FMN2: variants seen among roughly 807,000 people sequenced by gnomAD.
The protein encoded by FMN2 is formin 2.
In FMN2, 51 loss-of-function variants were observed where a neutral mutation model predicts 142.3. That is an observed-to-expected ratio of 0.36 (90% CI 0.29 to 0.45). FMN2 has a LOEUF of 0.45. FMN2 is among the 20% of genes least tolerant of loss of function. The pLI is 1.00. For synonymous variants in FMN2, 882 were observed against 869.8 expected, an observed-to-expected ratio of 1.01 and a Z score of -0.25; for missense variants, 1,936 against 2,122.8, an observed-to-expected ratio of 0.91 and a Z score of 1.73.
intron 2 of FMN2, among the ~76,000 whole-genome samples, chr1:240,159,060 A>G (rs545843497): frequency 1.3e-5 from 2 of 152,210 alleles, no homozygotes; most frequent in African/African-American, 4.8e-5. Context: ...TAATTCTGGG[A>G]TTTTCCATCA....
chr1:240,359,885 A>C (rs1672403106), intron 14 of FMN2, among the ~76,000 whole-genome samples: 1 of 152,204 alleles, frequency 6.6e-6, no homozygotes, highest in Non-Finnish European at 1.5e-5. Context: ...CTTCATTAAG[A>C]AGGCAGTTTT....
chr1:240,472,299 C>A, intron 16 of FMN2, 73 bp from the exon 17 acceptor site: 1 of 1,042,270 alleles, frequency 9.6e-7, no homozygotes, highest in Non-Finnish European at 1.5e-6. Context: ...TTGAGGTTTG[C>A]TCACTTACTA....
At chr1:240,365,423 ATTTC>A (rs948374418) in intron 14 of FMN2, among the ~76,000 whole-genome samples, 1 of 151,812 alleles carries the variant, frequency 6.6e-6, no homozygotes, top group Non-Finnish European at 1.5e-5. Context: ...AATATTTTAT[ATTTC>A]TTTGTTTTAT....
At chr1:240,253,772 T>C (rs1034953528) in intron 6 of FMN2, among the ~76,000 whole-genome samples, 8 of 152,220 alleles carry the variant, frequency 5.3e-5, no homozygotes, top group African/African-American at 1.9e-4. Context: ...TTCCTGAAGA[T>C]GTATCTGTGG....
At position 240,161,297 on chromosome 1, in the gene FMN2, C is replaced by T. The variant is rs926232497; in HGVS notation, c.1783-16624C>T. On this transcript the variant is annotated intron_variant, in intron 2 of 17. Coordinates refer to ENST00000319653, the MANE Select transcript of FMN2 (RefSeq NM_020066.5). The stretch of plus-strand genomic sequence containing the variant: ...CTTTAAAAAAATCAAAGTGGGAGGC[C>T]GAGGCAGGCGGAATACGAGGTCAGG... 9.2e-5 allele frequency among the ~76,000 whole-genome samples: 14 copies of T among 151,822 alleles called. No individual in the cohort carries two copies. The East Asian group carries it at 1.2e-3, about 13-fold the overall frequency.
intron 7 of FMN2, among the ~76,000 whole-genome samples, chr1:240,260,525 ATGTT>A (rs1310844674): frequency 6.6e-6 from 1 of 151,682 alleles, no homozygotes; most frequent in African/African-American, 2.4e-5. Context: ...GCATTTTTTC[ATGTT>A]TGTTGGCCAT....
At position 240,334,194 on chromosome 1, in the gene FMN2, A is replaced by G. The variant is rs1202489322; in HGVS notation, c.4730A>G (p.Gln1577Arg). The change falls in exon 13 of 18, where the codon CAA becomes CGA. Residue 1577 changes from glutamine (Q) to arginine (R), a missense_variant. Around this residue, in one of 8 missense-constraint regions of FMN2, gnomAD observed 322 missense variants for 401.6 expected, o/e 0.80. Coordinates refer to ENST00000319653, the MANE Select transcript of FMN2 (RefSeq NM_020066.5). ...TCACAGATGAAGTTTGAAGATTTTC[A>G]AAAAGATCTCAGAAAACTGAAGAAA... Reference protein sequence around the residue: ...QASQMKFEDFQKDLRKLKKDL... With the variant: ...QASQMKFEDFRKDLRKLKKDL... 2 of 1,606,122 alleles carry G rather than the reference A, an allele frequency of 1.2e-6. No individual in the cohort carries two copies. The highest frequency in any genetic ancestry group is 1.7e-5 in the Admixed American group (1 of 57,784).
At chr1:240,377,312 GTT>G (rs56014009) in intron 14 of FMN2, among the ~76,000 whole-genome samples, 15 of 146,724 alleles carry the variant, frequency 1.0e-4, no homozygotes, top group Admixed American at 2.0e-4. Context: ...CAGTTAACAG[GTT>G]TTTTTTTTTT....
chr1:240,148,263 G>T (rs61830673), intron 2 of FMN2, among the ~76,000 whole-genome samples: 1 of 147,486 alleles, frequency 6.8e-6, no homozygotes, highest in African/African-American at 2.5e-5. Flanking sequence ...GATAGACAGA[G>T]AGACAGAGAT....
chr1:240,232,171 G>A (rs1047329421), intron 6 of FMN2, among the ~76,000 whole-genome samples: 2 of 151,702 alleles, frequency 1.3e-5, no homozygotes, highest in Admixed American at 1.3e-4. Context: ...CTGGGTTCAA[G>A]GGATTCTCCT....
intron 8 of FMN2, among the ~76,000 whole-genome samples, chr1:240,327,860 A>G (rs1186992917): frequency 6.6e-6 from 1 of 152,094 alleles, no homozygotes; most frequent in Non-Finnish European, 1.5e-5. Context: ...CAAAAAGAAA[A>G]TCCAGGCCAG....
intron 16 of FMN2, among the ~76,000 whole-genome samples, chr1:240,470,848 A>T (rs1232358881): frequency 6.6e-6 from 1 of 152,128 alleles, no homozygotes; most frequent in Non-Finnish European, 1.5e-5. Flanking sequence ...TAAAAAAAAA[A>T]AATCCAATTT....
chr1:240,113,175 G>A (rs558036393), intron 1 of FMN2, among the ~76,000 whole-genome samples: 173 of 152,120 alleles, frequency 1.1e-3, no homozygotes, highest in African/African-American at 4.1e-3. Context: ...ACCTTGACTG[G>A]GGGATACTGT....
chr1:240,237,547 T>A (rs1236554320), intron 6 of FMN2, among the ~76,000 whole-genome samples: 1 of 152,336 alleles, frequency 6.6e-6, no homozygotes, highest in South Asian at 2.1e-4. Context: ...GCAGCTGGTC[T>A]TTTTATCTTG....
chr1:240,452,589 T>C (rs1238574367), intron 16 of FMN2, among the ~76,000 whole-genome samples: 1 of 152,194 alleles, frequency 6.6e-6, no homozygotes, highest in African/African-American at 2.4e-5. Context: ...TAAATATTTT[T>C]GGAAAGTGAT....
intron 16 of FMN2, among the ~76,000 whole-genome samples, chr1:240,441,599 C>T (rs1418323659): frequency 2.7e-5 from 4 of 147,412 alleles, no homozygotes; most frequent in Non-Finnish European, 5.9e-5. Context: ...TTGATATTTG[C>T]ATATTGGTCT....
At chr1:240,249,931 A>G (rs1287619551) in intron 6 of FMN2, among the ~76,000 whole-genome samples, 1 of 151,878 alleles carries the variant, frequency 6.6e-6, no homozygotes, top group Non-Finnish European at 1.5e-5. Context: ...TGATTTTTGT[A>G]TGTTGATTTT....
At chr1:240,211,025 A>G (rs894934730) in intron 5 of FMN2, 66 bp from the exon 6 acceptor site, 4 of 1,465,696 alleles carry the variant, frequency 2.7e-6, no homozygotes, top group Non-Finnish European at 3.7e-6. Context: ...CTTCCTTTCT[A>G]TTTATGCTTG....
chr1:240,185,245 C>T (rs975754970), intron 3 of FMN2, among the ~76,000 whole-genome samples: 2 of 149,026 alleles, frequency 1.3e-5, no homozygotes, highest in Non-Finnish European at 3.0e-5. Context: ...TTTCTTTTTC[C>T]TTATCATGTA....
Sources: allele counts gnomAD v4.1 joint callset (sites outside exome capture counted in the v4.1 genomes callset), GRCh38; gene constraint gnomAD v4.1.1; regional missense constraint gnomAD v4.1.1; transcripts MANE v1.5; gene names NCBI Gene and HGNC (gene_info 2026-07-23, HGNC 2026-07-21).